UGT1A7: variants seen among roughly 807,000 people sequenced by gnomAD.
UGT1A7 encodes UDP glucuronosyltransferase family 1 member A7, also known as UDP-glucuronosyltransferase 1A7.
In UGT1A7, 33 loss-of-function variants were observed where a neutral mutation model predicts 45.6. The ratio of observed to expected loss-of-function variants is 0.72; its 90% CI spans 0.55 to 0.97. The LOEUF (loss-of-function observed/expected upper bound fraction) is 0.97, where lower values mean the gene tolerates loss of function less well. UGT1A7 is among the 50% of genes least tolerant of loss of function. The pLI, the probability that UGT1A7 is intolerant of heterozygous loss-of-function variation, is 0.00. For synonymous variants in UGT1A7, 274 were observed against 250.6 expected, an observed-to-expected ratio of 1.09 and a Z score of -0.88; for missense variants, 684 against 666.2, an observed-to-expected ratio of 1.03 and a Z score of -0.29.
Position 233,699,187 on chromosome 2 carries a change from T to C in UGT1A7, c.855+16395T>C, listed in dbSNP as rs28898580. ...CTGTCTCTCTGATCCTCACTTCTTC[T>C]TCAGAATCTCATGCTGTTGCATGAA... On this transcript the variant is annotated intron_variant, in intron 1 of 4. Transcript: ENST00000373426. 4.1e-3 allele frequency among the ~76,000 whole-genome samples: 631 copies of C among 152,270 alleles called. 4 individuals are homozygous for C. The highest frequency in any genetic ancestry group is 0.015 in the African/African-American group (604 of 41,566).
intron 1 of UGT1A7, chr2:233,747,172 C>G: frequency 6.3e-7 from 1 of 1,596,738 alleles, no homozygotes. Flanking sequence ...GTAGGAGGCA[C>G]AGCGTGGGGT....
intron 1 of UGT1A7, among the ~76,000 whole-genome samples, chr2:233,696,549 T>C (rs1159703071): frequency 2.6e-5 from 4 of 152,222 alleles, no homozygotes; most frequent in Non-Finnish European, 4.4e-5. Flanking sequence ...TTTCTGAATA[T>C]ATTATGTCAT....
intron 1 of UGT1A7, among the ~76,000 whole-genome samples, chr2:233,741,230 C>T (rs1691594926): frequency 6.6e-6 from 1 of 151,876 alleles, no homozygotes; most frequent in Non-Finnish European, 1.5e-5. Flanking sequence ...AGACCCACTA[C>T]CTCTGAGTGA....
At chr2:233,740,938 A>C (rs1691513941) in intron 1 of UGT1A7, 1 of 151,466 alleles carries the variant, frequency 6.6e-6, no homozygotes, top group Admixed American at 6.6e-5. Context: ...TTTTTTTTTT[A>C]ATTAGCTAGG....
At position 233,682,509 on chromosome 2, in the gene UGT1A7, C is replaced by G; in HGVS notation, c.572C>G (p.Pro191Arg). ...TGCCCTGCTCCTCTTTCCTATGTCC[C>G]CAGACTTCTCTTAGGGTTCTCAGAC... ...AQCPAPLSYV[P>R]RLLLGFSDAM... Residue 191 changes from proline (P) to arginine (R), a missense_variant, in exon 1 of 5, where the codon CCC becomes CGC. Physicochemically the swap from Pro to Arg is moderately radical, Grantham distance 103. Coordinates refer to ENST00000373426, the MANE Select transcript of UGT1A7 (RefSeq NM_019077.3). 5.0e-6 allele frequency: 8 copies of G among 1,613,890 alleles called. No homozygotes were observed. The highest frequency in any genetic ancestry group is 6.8e-6 in the Non-Finnish European group (8 of 1,179,836).
chr2:233,740,991 G>A (rs1484591250), intron 1 of UGT1A7: 3 of 151,764 alleles, frequency 2.0e-5, no homozygotes, highest in African/African-American at 7.3e-5. Flanking sequence ...GAATGCTGAG[G>A]AGGAAGGATC....
At chr2:233,693,339 A>G (rs778434768) in intron 1 of UGT1A7, 11 of 1,614,190 alleles carry the variant, frequency 6.8e-6, no homozygotes, top group Middle Eastern at 1.6e-4. Flanking sequence ...CAGACAGAGT[A>G]CAGGAATAAC....
chr2:233,695,907 T>C (rs1160810678), intron 1 of UGT1A7, among the ~76,000 whole-genome samples: 6 of 152,140 alleles, frequency 3.9e-5, no homozygotes, highest in African/African-American at 1.4e-4. Flanking sequence ...GTGGGGTTTT[T>C]TTTCTCCACA....
chr2:233,757,967 C>T (rs187620660), intron 1 of UGT1A7, among the ~76,000 whole-genome samples: 98 of 152,288 alleles, frequency 6.4e-4, no homozygotes, highest in African/African-American at 2.2e-3. Flanking sequence ...TGTGATTTCT[C>T]AGCCCCTAGA....
At chr2:233,761,798 T>C (rs573844066) in intron 1 of UGT1A7, among the ~76,000 whole-genome samples, 7 of 152,144 alleles carry the variant, frequency 4.6e-5, no homozygotes, top group Non-Finnish European at 1.0e-4. Context: ...CAGCAGAGGA[T>C]AGAAAAGAAC....
In UGT1A7 at chr2:233,772,876, C is replaced by T. The variant is rs906785821; in HGVS notation, c.*317C>T. The T allele has an allele frequency of 2.8e-5, 17 of 598,574 alleles. No homozygotes were observed. The highest frequency in any genetic ancestry group is 1.0e-4 in the East Asian group (2 of 19,556). 37.1% of individuals were successfully genotyped at this position (598,574 alleles called of 1,614,324 possible). ...CTGAAACATGGCCTGTTTGGGAGTG[C>T]GGGATTCAAAGGTGGTCCCACGGCT... On this transcript the variant is annotated 3_prime_UTR_variant, in exon 5 of 5. Coordinates refer to ENST00000373426, the MANE Select transcript of UGT1A7 (RefSeq NM_019077.3).
intron 1 of UGT1A7, chr2:233,742,939 C>T (rs750908913): frequency 4.7e-6 from 1 of 212,356 alleles, no homozygotes; most frequent in Non-Finnish European, 9.5e-6. Context: ...TTCTGTCCTA[C>T]CACTAGCAAA....
chr2:233,713,504 T>A, intron 1 of UGT1A7: 1 of 1,614,014 alleles, frequency 6.2e-7, no homozygotes, highest in Middle Eastern at 1.7e-4. Context: ...CTGCTGTGTT[T>A]TTCTTGAGGA....
At chr2:233,693,047 G>A (rs2075129391) in intron 1 of UGT1A7, 1 of 1,614,146 alleles carries the variant, frequency 6.2e-7, no homozygotes, top group Non-Finnish European at 8.5e-7. Context: ...TTCTGCAGGG[G>A]TTTTCTTCTT....
At chr2:233,717,422 G>T (rs1452030789) in intron 1 of UGT1A7, among the ~76,000 whole-genome samples, 2 of 152,202 alleles carry the variant, frequency 1.3e-5, no homozygotes, top group Non-Finnish European at 2.9e-5. Context: ...CTTGAGCTGG[G>T]TGTCCCTCTG....
In UGT1A7 at chr2:233,768,342, C is replaced by G; in HGVS notation, c.1198C>G (p.Arg400Gly). Residue 400 changes from arginine (R) to glycine (G), a missense_variant, in exon 4 of 5, where the codon CGC becomes GGC. Physicochemically the swap from Arg to Gly is moderately radical, Grantham distance 125. Transcript: ENST00000373426. ...TGGTGATCAGATGGACAATGCAAAG[C>G]GCATGGAGACTAAGGGAGCTGGAGT... ...LFGDQMDNAK[R>G]METKGAGVTL... 6.2e-7 allele frequency: 1 copy of G among 1,614,092 alleles called. No homozygotes were observed. Among genetic ancestry groups the G allele is most frequent in the South Asian group, 1.1e-5 (1 of 91,066 alleles).
At chr2:233,764,775 G>T (rs1470259138) in intron 1 of UGT1A7, among the ~76,000 whole-genome samples, 1 of 152,162 alleles carries the variant, frequency 6.6e-6, no homozygotes, top group Non-Finnish European at 1.5e-5. Flanking sequence ...AAGGAGTTCA[G>T]AAAAACCATC....
rs373895890 is a variant in UGT1A7 at position 233,713,391 on chromosome 2, A to G, written c.855+30599A>G. 9.0e-5 allele frequency: 146 copies of G among 1,614,152 alleles called. No homozygotes were observed. The highest frequency in any genetic ancestry group is 1.2e-4 in the Non-Finnish European group (139 of 1,180,034). ...TAGGTCTTGTGTGGAGCTACTGCAT[A>G]ATGAGGCCCTGATCAGGCACCTGCA... On this transcript the variant is annotated intron_variant, in intron 1 of 4. Coordinates refer to ENST00000373426, the MANE Select transcript of UGT1A7 (RefSeq NM_019077.3).
intron 1 of UGT1A7, among the ~76,000 whole-genome samples, chr2:233,699,092 C>CACCT (rs2075484389): frequency 6.6e-6 from 1 of 152,232 alleles, no homozygotes; most frequent in African/African-American, 2.4e-5. Context: ...TAGCCCTGTG[C>CACCT]ACCTCATCAC....
Sources: allele counts gnomAD v4.1 joint callset (sites outside exome capture counted in the v4.1 genomes callset), GRCh38; gene constraint gnomAD v4.1.1; transcripts MANE v1.5; gene names NCBI Gene and HGNC (gene_info 2026-07-23, HGNC 2026-07-21).